The following OTUD7A variants were observed in gnomAD, a reference collection of about 807,000 sequenced individuals.
OTUD7A encodes OTU domain-containing protein 7A.
A neutral mutation model predicts 65.7 loss-of-function variants in OTUD7A; 12 were observed. That is an observed-to-expected ratio of 0.18 (90% confidence interval 0.12 to 0.30). OTUD7A has a LOEUF of 0.30. Ranked by LOEUF, OTUD7A falls within the 10% of genes least tolerant of loss-of-function variation. The pLI, the probability that OTUD7A is intolerant of heterozygous loss-of-function variation, is 1.00. For synonymous variants in OTUD7A, 641 were observed against 586.3 expected, an observed-to-expected ratio of 1.09 and a Z score of -1.35; for missense variants, 1,148 against 1,304.8, an observed-to-expected ratio of 0.88 and a Z score of 1.85.
intron 5 of OTUD7A, among the ~76,000 whole-genome samples, chr15:31,541,944 G>C (rs958918765): frequency 2.0e-5 from 3 of 152,112 alleles, no homozygotes; most frequent in Non-Finnish European, 2.9e-5. Context: ...AAACTTCCCC[G>C]GAAATGTTGA....
intron 5 of OTUD7A, among the ~76,000 whole-genome samples, chr15:31,543,835 G>A (rs1033058982): frequency 6.6e-6 from 1 of 151,760 alleles, no homozygotes; most frequent in Non-Finnish European, 1.5e-5. Context: ...CGGTAATTGA[G>A]AGAAAAAGTA....
intron 1 of OTUD7A, among the ~76,000 whole-genome samples, chr15:31,858,136 G>A (rs1012194631): frequency 4.6e-5 from 7 of 152,154 alleles, no homozygotes; most frequent in Non-Finnish European, 2.9e-5. Context: ...ATTGTTCAGG[G>A]GCAGAAAGGT....
intron 8 of OTUD7A, among the ~76,000 whole-genome samples, chr15:31,514,552 A>G (rs572351362): frequency 1.3e-5 from 2 of 152,318 alleles, no homozygotes; most frequent in Admixed American, 1.3e-4. Flanking sequence ...CAACCCCACA[A>G]AGTTAATTCT....
chr15:31,839,964 TTA>T (rs1897145724), intron 1 of OTUD7A, among the ~76,000 whole-genome samples: 1 of 146,832 alleles, frequency 6.8e-6, no homozygotes. Flanking sequence ...TTTTTTTTGT[TTA>T]TGTTATTTTG....
intron 1 of OTUD7A, among the ~76,000 whole-genome samples, chr15:31,719,357 G>A (rs1029072740): frequency 3.3e-5 from 5 of 151,992 alleles, no homozygotes; most frequent in Admixed American, 6.5e-5. Context: ...AAACTCAGCT[G>A]CAGAGAGGCT....
chr15:31,849,995 CAG>C (rs1370248197), intron 1 of OTUD7A, among the ~76,000 whole-genome samples: 1 of 152,206 alleles, frequency 6.6e-6, no homozygotes, highest in Non-Finnish European at 1.5e-5. Flanking sequence ...TTGTGGAAGA[CAG>C]TGTGGCAATT....
chr15:31,848,106 T>C (rs1897330736), intron 1 of OTUD7A, among the ~76,000 whole-genome samples: 1 of 152,154 alleles, frequency 6.6e-6, no homozygotes, highest in African/African-American at 2.4e-5. Flanking sequence ...GGTCCCTAAC[T>C]GCAGAGTCCC....
At chr15:31,750,772 T>C (rs966992717) in intron 1 of OTUD7A, among the ~76,000 whole-genome samples, 15 of 152,110 alleles carry the variant, frequency 9.9e-5, no homozygotes, top group South Asian at 2.1e-4. Context: ...TCAGGATAAG[T>C]TGAACTAGTC....
Position 31,484,054 on chromosome 15 carries a change from C to G in OTUD7A, c.2042G>C (p.Arg681Pro), listed in dbSNP as rs762570640. 1.0e-5 allele frequency: 14 copies of G among 1,376,060 alleles called. No homozygotes were observed. The highest frequency in any genetic ancestry group is 1.3e-5 in the Non-Finnish European group (14 of 1,066,150). The allele number at this position is 1,376,060 out of a possible 1,614,324, so 85.2% of individuals were successfully genotyped here. ...AGCGGCGGCCGCAGTAGCGGCGTCG[C>G]GGCGCCGCTGCTCCTGCTCGGCGCT... ...RFSAEQEQRR[R>P]DAATAAAAAA... is the part of the protein sequence containing the mutation. The change falls in exon 13 of 13, where the codon CGC becomes CCC. Residue 681 changes from arginine to proline, a missense_variant. By Grantham distance (103) the Arg-to-Pro change is moderately radical. Coordinates refer to ENST00000307050, the MANE Select transcript of OTUD7A (RefSeq NM_001382637.1). This position sits in a 1 kb window ranked among gnomAD's most constrained non-coding sequence, Gnocchi z 4.5.
chr15:31,535,104 T>G (rs1887753828), intron 5 of OTUD7A, among the ~76,000 whole-genome samples: 1 of 152,236 alleles, frequency 6.6e-6, no homozygotes, highest in Non-Finnish European at 1.5e-5. Context: ...TGGCAATTTC[T>G]AATACAGTTC....
intron 1 of OTUD7A, among the ~76,000 whole-genome samples, chr15:31,793,849 TTGA>T (rs1303105595): frequency 2.0e-5 from 3 of 152,238 alleles, no homozygotes; most frequent in Non-Finnish European, 2.9e-5. Context: ...TGCTGTTGAT[TTGA>T]AGAGTTCCTT....
At position 31,479,677 on chromosome 15, in the gene OTUD7A, T is replaced by TGGGGGGG. The variant is rs2041087232; in HGVS notation, c.*3616_*3617insCCCCCCC. 1 of 123,194 alleles carries TGGGGGGG rather than the reference T, an allele frequency of 8.1e-6. No individual in the cohort carries two copies. Among genetic ancestry groups the TGGGGGGG allele is most frequent in the African/African-American group, 3.3e-5 (1 of 29,964 alleles). 7.6% of individuals were successfully genotyped at this position (123,194 alleles called of 1,614,324 possible). On this transcript the variant is annotated 3_prime_UTR_variant, in exon 13 of 13. Transcript: ENST00000307050. ...GACACTAAGTGGGGGGGGGGGGTGA[T>TGGGGGGG]GGGCCCATGACCCCTCCCCAGAGAC...
At chr15:31,837,629 A>G (rs1432941368) in intron 1 of OTUD7A, among the ~76,000 whole-genome samples, 2 of 152,222 alleles carry the variant, frequency 1.3e-5, no homozygotes, top group Non-Finnish European at 2.9e-5. Context: ...GAAAGTCACA[A>G]AGCAATGATG....
At chr15:31,833,407 A>G (rs2140985787) in intron 1 of OTUD7A, among the ~76,000 whole-genome samples, 1 of 152,390 alleles carries the variant, frequency 6.6e-6, no homozygotes, top group Non-Finnish European at 1.5e-5. Flanking sequence ...TTATGCTCCA[A>G]TGCAGAAGGT....
chr15:31,559,305 ACACAGACCACACACATG>A, intron 4 of OTUD7A, 118 bp from the exon 5 acceptor site: 1 of 909,784 alleles, frequency 1.1e-6, no homozygotes, highest in Non-Finnish European at 1.7e-6. Flanking sequence ...ACATTCATGC[ACACAGACCACACACATG>A]CACATACCAC....
intron 9 of OTUD7A, 110 bp from the exon 10 acceptor site, chr15:31,501,949 G>A (rs558408250): frequency 6.7e-6 from 8 of 1,190,924 alleles, no homozygotes; most frequent in South Asian, 3.0e-5. Context: ...GTGGAGAAGC[G>A]GAGGGACAGG....
chr15:31,748,822 T>G (rs893450533), intron 1 of OTUD7A, among the ~76,000 whole-genome samples: 8 of 152,180 alleles, frequency 5.3e-5, no homozygotes, highest in African/African-American at 1.9e-4. Flanking sequence ...CGTCAATATA[T>G]CACAATTTAT....
intron 3 of OTUD7A, among the ~76,000 whole-genome samples, chr15:31,573,531 T>C (rs958543843): frequency 9.9e-5 from 15 of 152,098 alleles, no homozygotes; most frequent in African/African-American, 3.6e-4. Flanking sequence ...TCAACAAAAA[T>C]GGTAGAATTT....
At chr15:31,813,666 A>AT (rs1397417249) in intron 1 of OTUD7A, among the ~76,000 whole-genome samples, 1 of 152,272 alleles carries the variant, frequency 6.6e-6, no homozygotes. Flanking sequence ...AAAATAGTAC[A>AT]TAACATTCAA....
Sources: gnomAD v4.1 joint callset for allele counts (sites outside exome capture counted in the v4.1 genomes callset) on GRCh38, gnomAD v4.1.1 for gene constraint, Gnocchi (gnomAD v3.1) non-coding constraint, MANE v1.5 for transcripts, NCBI Gene and HGNC (gene_info 2026-07-23, HGNC 2026-07-21) for gene names.